NEMF: variants seen among roughly 807,000 people sequenced by gnomAD.
NEMF encodes nuclear export mediator factor, also known as ribosome quality control complex subunit NEMF.
NEMF carries 89 observed loss-of-function variants against 162.2 expected under a neutral mutation model. The ratio of observed to expected loss-of-function variants is 0.55; its 90% confidence interval spans 0.46 to 0.65. NEMF has a LOEUF of 0.65. Ranked by LOEUF, NEMF falls within the 30% of genes least tolerant of loss-of-function variation. The pLI is 0.00. For missense variants in NEMF, 1,133 were observed against 1,261.9 expected, an observed-to-expected ratio of 0.90 and a Z score of 1.55; for synonymous variants, 421 against 404.5, an observed-to-expected ratio of 1.04 and a Z score of -0.49.
At chr14:49,829,528 G>A (rs1012144555) in intron 11 of NEMF, 102 bp from the exon 12 acceptor site, 1 of 938,736 alleles carries the variant, frequency 1.1e-6, no homozygotes, top group African/African-American at 1.6e-5. Flanking sequence ...CATCTATGCT[G>A]TTATCTAGCT....
At chr14:49,789,419 T>A in intron 27 of NEMF, 76 bp from the exon 28 acceptor site, 9 of 1,611,644 alleles carry the variant, frequency 5.6e-6, no homozygotes, top group Non-Finnish European at 7.6e-6. Context: ...ATGTATTGAA[T>A]GCCTGTCATA....
intron 26 of NEMF, among the ~76,000 whole-genome samples, chr14:49,794,718 C>CT (rs10645758): frequency 0.79 from 107,910 of 137,434 alleles, 42,891 homozygotes; most frequent in East Asian, 0.99. Context: ...ACTGCTACAG[C>CT]TTTTTTTTTT....
At chr14:49,792,907 G>T (rs1452491062) in intron 26 of NEMF, among the ~76,000 whole-genome samples, 8 of 152,112 alleles carry the variant, frequency 5.3e-5, no homozygotes, top group Non-Finnish European at 1.2e-4. Context: ...TTTGGGCCCA[G>T]GAGATCGAGG....
chr14:49,849,137 T>C (rs997831178), intron 3 of NEMF, among the ~76,000 whole-genome samples: 2 of 152,190 alleles, frequency 1.3e-5, no homozygotes, highest in Non-Finnish European at 2.9e-5. Flanking sequence ...GAATGACCTA[T>C]ACTGATTTGA....
intron 26 of NEMF, among the ~76,000 whole-genome samples, chr14:49,790,662 GTATATGAACAGAAATGCATAC>G (rs1455263158): frequency 1.3e-5 from 2 of 152,248 alleles, no homozygotes; most frequent in East Asian, 3.9e-4. Flanking sequence ...CCACTCATAT[GTATATGAACAGAAATGCATAC>G]TTAGGGATCC....
intron 28 of NEMF, among the ~76,000 whole-genome samples, chr14:49,788,112 C>T (rs939721173): frequency 8.6e-5 from 13 of 152,030 alleles, no homozygotes; most frequent in African/African-American, 1.7e-4. Flanking sequence ...AACCCCATCA[C>T]CACTAAAAAT....
chr14:49,817,712 A>G, intron 16 of NEMF, among the ~76,000 whole-genome samples: 1 of 152,214 alleles, frequency 6.6e-6, no homozygotes. Context: ...CTTTCTGCCA[A>G]TATATTTTAA....
intron 26 of NEMF, among the ~76,000 whole-genome samples, chr14:49,792,794 T>C (rs774072702): frequency 7.9e-5 from 12 of 151,812 alleles, no homozygotes; most frequent in Non-Finnish European, 1.2e-4. Flanking sequence ...CCTGGGCAAA[T>C]AGGAAGAGCC....
intron 18 of NEMF, among the ~76,000 whole-genome samples, chr14:49,807,502 A>G (rs1302063315): frequency 6.6e-6 from 1 of 151,318 alleles, no homozygotes; most frequent in Non-Finnish European, 1.5e-5. Context: ...GCAGTATTCT[A>G]TGTTCTCCAC....
rs761014202 is a variant in NEMF at position 49,782,599 on chromosome 14, G to GTAAC, written c.*2033_*2036dup. ...TCAACCAAAATCTCTTGTACGGTAA[G>GTAAC]TAACTTTGTACTTGGCACTTAGATT... On this transcript the variant is annotated 3_prime_UTR_variant, in exon 33 of 33. Coordinates refer to ENST00000298310, the MANE Select transcript of NEMF (RefSeq NM_004713.6). 9 of 1,596,016 alleles carry GTAAC rather than the reference G, an allele frequency of 5.6e-6. No individual in the cohort carries two copies. Among genetic ancestry groups the GTAAC allele is most frequent in the Non-Finnish European group, 7.7e-6 (9 of 1,167,642 alleles).
At position 49,782,989 on chromosome 14, in the gene NEMF, G is replaced by C; in HGVS notation, c.*1647C>G. On this transcript the variant is annotated 3_prime_UTR_variant, in exon 33 of 33. Coordinates refer to ENST00000298310, the MANE Select transcript of NEMF (RefSeq NM_004713.6). ...ATAATGCCTATGATCACCTTGCATG[G>C]ACAGCAATCCTGTAAACATCACAGA... 1 of 1,598,940 alleles carries C rather than the reference G, an allele frequency of 6.3e-7. No individual in the cohort carries two copies. The highest frequency in any genetic ancestry group is 8.5e-7 in the Non-Finnish European group (1 of 1,171,656).
At chr14:49,789,069 G>GA (rs1890319821) in intron 28 of NEMF, 77 bp downstream of exon 28, 1 of 1,161,372 alleles carries the variant, frequency 8.6e-7, no homozygotes, top group East Asian at 2.4e-5. Flanking sequence ...TTTTAGCACT[G>GA]AAAGTCCCAT....
intron 18 of NEMF, among the ~76,000 whole-genome samples, chr14:49,813,591 G>A (rs908596447): frequency 1.3e-5 from 2 of 151,974 alleles, no homozygotes; most frequent in African/African-American, 2.4e-5. Flanking sequence ...GTTATTAGCA[G>A]CACATATGTT....
chr14:49,843,793 T>C (rs1893332314), intron 4 of NEMF, among the ~76,000 whole-genome samples: 1 of 152,102 alleles, frequency 6.6e-6, no homozygotes, highest in Admixed American at 6.5e-5. Context: ...ACAGTAAAAA[T>C]ATGGTATTAC....
intron 8 of NEMF, 36 bp downstream of exon 8, chr14:49,833,387 A>G (rs956622550): frequency 7.6e-7 from 1 of 1,314,646 alleles, no homozygotes; most frequent in East Asian, 2.3e-5. Flanking sequence ...ACCCAAATAA[A>G]TCACAACAAT....
intron 26 of NEMF, among the ~76,000 whole-genome samples, chr14:49,790,903 G>C (rs1052395314): frequency 6.6e-6 from 1 of 152,162 alleles, no homozygotes; most frequent in African/African-American, 2.4e-5. Context: ...TGAGGTAGGA[G>C]AATCGCTTGA....
chr14:49,816,065 TG>T (rs1891702038), intron 16 of NEMF, among the ~76,000 whole-genome samples: 1 of 152,208 alleles, frequency 6.6e-6, no homozygotes, highest in Non-Finnish European at 1.5e-5. Context: ...CCATTGTGAC[TG>T]GCTTCCTGAG....
intron 18 of NEMF, among the ~76,000 whole-genome samples, chr14:49,809,449 A>G (rs532387847): frequency 2.6e-5 from 4 of 152,306 alleles, no homozygotes; most frequent in Middle Eastern, 3.4e-3. Flanking sequence ...GGGGGAAGGG[A>G]GGGATGAACA....
intron 18 of NEMF, among the ~76,000 whole-genome samples, chr14:49,813,662 GGTGT>G (rs57660068): frequency 0.077 from 11,436 of 148,470 alleles, 440 homozygotes; most frequent in Middle Eastern, 0.12. Context: ...TTTTTTATTA[GGTGT>G]GTGTGTGTGT....
Sources: allele counts gnomAD v4.1 joint callset (sites outside exome capture counted in the v4.1 genomes callset), GRCh38; gene constraint gnomAD v4.1.1; transcripts MANE v1.5; gene names NCBI Gene and HGNC (gene_info 2026-07-23, HGNC 2026-07-21).